RELN: variants seen among roughly 807,000 people sequenced by gnomAD.
RELN encodes reelin.
In RELN, 108 loss-of-function variants were observed where a neutral mutation model predicts 427.6. The ratio of observed to expected loss-of-function variants is 0.25; its 90% CI spans 0.22 to 0.30. The LOEUF (loss-of-function observed/expected upper bound fraction) is 0.30. Among genes scored for constraint, RELN ranks in the 10% least tolerant of loss-of-function variants. The pLI, the probability that RELN is intolerant of heterozygous loss-of-function variation, is 1.00. For missense variants in RELN, 3,715 were observed against 4,302.8 expected, an observed-to-expected ratio of 0.86 and a Z score of 3.82; for synonymous variants, 1,524 against 1,513.4, an observed-to-expected ratio of 1.01 and a Z score of -0.16.
intron 3 of RELN, among the ~76,000 whole-genome samples, chr7:103,798,482 A>T (rs890056208): frequency 9.2e-5 from 14 of 152,178 alleles, no homozygotes; most frequent in African/African-American, 3.1e-4. Context: ...GTCACTCAAA[A>T]GGTGAAGCTA....
intron 1 of RELN, among the ~76,000 whole-genome samples, chr7:103,934,822 G>T (rs1795944783): frequency 6.6e-6 from 1 of 152,194 alleles, no homozygotes; most frequent in African/African-American, 2.4e-5. Context: ...TCCAGAATGG[G>T]AATGGGAATA....
chr7:103,717,449 TA>T (rs1447598125), intron 8 of RELN, among the ~76,000 whole-genome samples: 2 of 151,096 alleles, frequency 1.3e-5, no homozygotes, highest in African/African-American at 4.9e-5. Flanking sequence ...TACCAAATTT[TA>T]GTTAACATAG....
intron 1 of RELN, among the ~76,000 whole-genome samples, chr7:103,923,935 T>C (rs1055468272): frequency 1.3e-5 from 2 of 152,200 alleles, no homozygotes; most frequent in African/African-American, 4.8e-5. Context: ...ATTAATCTTT[T>C]CAATATCCTA....
At chr7:103,945,679 A>G (rs939244136) in intron 1 of RELN, among the ~76,000 whole-genome samples, 2 of 152,194 alleles carry the variant, frequency 1.3e-5, no homozygotes, top group Non-Finnish European at 2.9e-5. Context: ...CTGTAATTAA[A>G]TAATTATTTG....
At chr7:103,587,994 T>G (rs1047732666) in intron 28 of RELN, among the ~76,000 whole-genome samples, 5 of 152,118 alleles carry the variant, frequency 3.3e-5, no homozygotes, top group Non-Finnish European at 5.9e-5. Flanking sequence ...CTCAAAACAC[T>G]AAAAATAAAA....
At chr7:103,546,547 C>T (rs748913872) in intron 41 of RELN, among the ~76,000 whole-genome samples, 5 of 152,110 alleles carry the variant, frequency 3.3e-5, no homozygotes, top group South Asian at 2.1e-4. Flanking sequence ...TGGTAAATGA[C>T]AATCTTTTAA....
At chr7:103,986,335 CTACT>C (rs1173602255) in intron 1 of RELN, among the ~76,000 whole-genome samples, 1 of 152,170 alleles carries the variant, frequency 6.6e-6, no homozygotes, top group Non-Finnish European at 1.5e-5. Context: ...GATGGATATA[CTACT>C]TAATGTAAAA....
intron 60 of RELN, among the ~76,000 whole-genome samples, chr7:103,487,173 C>T (rs7808296): frequency 0.43 from 65,510 of 151,872 alleles, 15,714 homozygotes; most frequent in African/African-American, 0.65. Flanking sequence ...ACCAAACCAC[C>T]GCATGTTCTA....
At chr7:103,810,649 C>T (rs891417961) in intron 3 of RELN, among the ~76,000 whole-genome samples, 3 of 152,106 alleles carry the variant, frequency 2.0e-5, no homozygotes, top group African/African-American at 7.2e-5. Context: ...GACAGATTAC[C>T]CTTCCTTGCA....
At chr7:103,917,027 T>C (rs755454748) in intron 2 of RELN, 48 bp downstream of exon 2, 2 of 1,286,462 alleles carry the variant, frequency 1.6e-6, no homozygotes, top group Admixed American at 1.7e-5. Context: ...ATAAGACCTA[T>C]GACTGTATAA....
intron 45 of RELN, among the ~76,000 whole-genome samples, chr7:103,537,892 T>G (rs1375908079): frequency 1.3e-5 from 2 of 152,228 alleles, no homozygotes; most frequent in Non-Finnish European, 2.9e-5. Context: ...AGCTCCTTTG[T>G]GAAATGTTCC....
intron 4 of RELN, among the ~76,000 whole-genome samples, chr7:103,772,312 AAATG>A (rs71519158): frequency 0.47 from 71,292 of 150,158 alleles, 17,040 homozygotes; most frequent in East Asian, 0.54. Context: ...AATAGTTGTC[AAATG>A]AATGAATGAA....
At chr7:103,600,789 T>C (rs990201952) in intron 24 of RELN, among the ~76,000 whole-genome samples, 6 of 152,322 alleles carry the variant, frequency 3.9e-5, no homozygotes, top group African/African-American at 1.4e-4. Flanking sequence ...GAAATGATGA[T>C]TTTTAGTTAG....
At chr7:103,503,891 T>A (rs1829117806) in intron 51 of RELN, among the ~76,000 whole-genome samples, 1 of 129,174 alleles carries the variant, frequency 7.7e-6, no homozygotes, top group South Asian at 2.4e-4. Context: ...CAAATGTTCT[T>A]GTAAAAAAAA....
In RELN at chr7:103,596,602, C is replaced by T; in HGVS notation, c.3393G>A (p.Gln1131=). The change falls in exon 25 of 65, where the codon CAG becomes CAA. Residue 1131 remains glutamine (Q), a synonymous_variant. Coordinates refer to ENST00000428762, the MANE Select transcript of RELN (RefSeq NM_005045.4). ...DLDTSWVDFV[Q]FYIQIGGESA... ...TCTCTCCGCCTATCTGGATGTAGAA[C>T]TGGACAAAGTCCACCCAAGAAGTAT... is the stretch of plus-strand genomic sequence containing the variant. 6.2e-7 allele frequency: 1 copy of T among 1,614,084 alleles called. No individual in the cohort carries two copies. The highest frequency in any genetic ancestry group is 2.2e-5 in the East Asian group (1 of 44,884).
Position 103,846,168 on chromosome 7 carries a change from T to C in RELN, c.338-12496A>G, listed in dbSNP as rs192294213. Among the ~76,000 whole-genome samples the C allele has an allele frequency of 1.9e-3, 283 of 152,316 alleles. 1 individual carries two copies. Among genetic ancestry groups the C allele is most frequent in the African/African-American group, 6.5e-3 (271 of 41,576 alleles). ...ATGAAGCTGGAGGCATCATGCTACCTGACTTCAAACTATACTACAAGGCTA... is the reference window on the plus strand; with the variant it reads ...ATGAAGCTGGAGGCATCATGCTACCCGACTTCAAACTATACTACAAGGCTA... On this transcript the variant is annotated intron_variant, in intron 2 of 64. Transcript: ENST00000428762.
At chr7:103,913,094 G>C (rs180778830) in intron 2 of RELN, among the ~76,000 whole-genome samples, 16 of 152,204 alleles carry the variant, frequency 1.1e-4, no homozygotes, top group Middle Eastern at 3.4e-3. Flanking sequence ...TTAGGCATTT[G>C]TCTATTTTTG....
At chr7:103,899,748 C>T (rs1214147509) in intron 2 of RELN, among the ~76,000 whole-genome samples, 2 of 152,042 alleles carry the variant, frequency 1.3e-5, no homozygotes, top group Admixed American at 6.6e-5. Context: ...AAATTCAACA[C>T]CCTTCATGCT....
intron 24 of RELN, among the ~76,000 whole-genome samples, chr7:103,597,062 T>C (rs541088986): frequency 1.3e-5 from 2 of 152,344 alleles, no homozygotes; most frequent in Admixed American, 1.3e-4. Flanking sequence ...CTCAGCCCAT[T>C]ATTCATACTG....
Sources: allele counts gnomAD v4.1 joint callset (sites outside exome capture counted in the v4.1 genomes callset), GRCh38; gene constraint gnomAD v4.1.1; transcripts MANE v1.5; gene names NCBI Gene and HGNC (gene_info 2026-07-23, HGNC 2026-07-21).